SLAIN2: variants seen among roughly 807,000 people sequenced by gnomAD.
SLAIN2 encodes SLAIN family member 2.
SLAIN2 carries 31 observed loss-of-function variants against 56.6 expected under a neutral mutation model. That is an observed-to-expected ratio of 0.55 (90% confidence interval 0.41 to 0.74). The LOEUF (loss-of-function observed/expected upper bound fraction) is 0.74, where lower values mean the gene tolerates loss of function less well. Among genes scored for constraint, SLAIN2 ranks in the 30% least tolerant of loss-of-function variants. SLAIN2 has a pLI of 0.00. For missense variants in SLAIN2, 777 were observed against 754.2 expected (o/e 1.03, Z -0.35); for synonymous variants, 317 against 284.9 (o/e 1.11, Z -1.13).
At chr4:48,399,231 G>A (rs1716486170) in intron 6 of SLAIN2, among the ~76,000 whole-genome samples, 2 of 152,100 alleles carry the variant, frequency 1.3e-5, no homozygotes, top group South Asian at 4.1e-4. Context: ...TCCCTTGTTA[G>A]CTGTATTCCT....
At chr4:48,366,371 C>T (rs1715520584) in intron 1 of SLAIN2, among the ~76,000 whole-genome samples, 1 of 152,222 alleles carries the variant, frequency 6.6e-6, no homozygotes, top group East Asian at 1.9e-4. Flanking sequence ...TTCTGATTGT[C>T]CATGTAGTTC....
intron 6 of SLAIN2, among the ~76,000 whole-genome samples, chr4:48,402,833 G>C (rs1313464252): frequency 6.6e-6 from 1 of 152,158 alleles, no homozygotes; most frequent in East Asian, 1.9e-4. Flanking sequence ...TTTTTGCATT[G>C]ATTCTTTTTC....
chr4:48,398,306 T>A (rs1172938368), intron 6 of SLAIN2, among the ~76,000 whole-genome samples: 1 of 152,204 alleles, frequency 6.6e-6, no homozygotes, highest in Admixed American at 6.5e-5. Flanking sequence ...TTGAGAAGTG[T>A]CTGTTTATGT....
At chr4:48,398,906 T>C (rs1186094039) in intron 6 of SLAIN2, among the ~76,000 whole-genome samples, 3 of 152,206 alleles carry the variant, frequency 2.0e-5, no homozygotes, top group Non-Finnish European at 4.4e-5. Flanking sequence ...AGCCTTGTAG[T>C]ATAGTTTGAA....
Position 48,342,094 on chromosome 4 carries a change from C to A in SLAIN2, c.355C>A (p.Arg119Ser). 7.3e-7 allele frequency: 1 copy of A among 1,363,608 alleles called. No individual in the cohort carries two copies. Among genetic ancestry groups the A allele is most frequent in the Non-Finnish European group, 9.4e-7 (1 of 1,065,246 alleles). The allele number at this position is 1,363,608 out of a possible 1,614,324, so 84.5% of individuals were successfully genotyped here. A position where few individuals can be genotyped will look rare whatever the true frequency, so the allele number is the denominator to read the frequency against. ...VEPLRPDELE[R>S]LSGWEEEEES... is the part of the protein sequence containing the mutation. ...GCCGCTGCGGCCCGACGAGCTGGAG[C>A]GCCTGTCAGGCTGGGAGGAGGAGGA... The change falls in exon 1 of 8, where the codon CGC (arginine) becomes AGC (serine). Residue 119 changes from arginine to serine, a missense_variant. Physicochemically the swap from Arg to Ser is moderately radical, Grantham distance 110. Coordinates refer to ENST00000264313, the MANE Select transcript of SLAIN2 (RefSeq NM_020846.2).
At chr4:48,398,539 CT>C (rs1450101645) in intron 6 of SLAIN2, among the ~76,000 whole-genome samples, 1 of 152,156 alleles carries the variant, frequency 6.6e-6, no homozygotes, top group Non-Finnish European at 1.5e-5. Flanking sequence ...GTTGCAATTG[CT>C]TTTGGCATTT....
intron 6 of SLAIN2, among the ~76,000 whole-genome samples, chr4:48,390,218 C>T (rs1188060474): frequency 6.6e-6 from 1 of 151,718 alleles, no homozygotes; most frequent in East Asian, 1.9e-4. Flanking sequence ...GGTGGGATTA[C>T]AGGCACGCAC....
At chr4:48,344,512 A>G (rs1466267875) in intron 1 of SLAIN2, among the ~76,000 whole-genome samples, 1 of 152,192 alleles carries the variant, frequency 6.6e-6, no homozygotes, top group African/African-American at 2.4e-5. Context: ...AAATGTGGGA[A>G]AAACTGGGTT....
At position 48,369,604 on chromosome 4, in the gene SLAIN2, A is replaced by T. The variant is rs536022098; in HGVS notation, c.390-245A>T. On this transcript the variant is annotated intron_variant, in intron 1 of 7. Transcript: ENST00000264313. The stretch of plus-strand genomic sequence containing the variant: ...GTTGGAAATACAGGTATTTTCTCAT[A>T]GTCTTAGTAAAACACCTACTTTAGG... 1.1e-4 allele frequency among the ~76,000 whole-genome samples: 16 copies of T among 152,310 alleles called. No homozygotes were observed. In the East Asian group the frequency reaches 2.1e-3, roughly 20 times the overall value.
intron 6 of SLAIN2, among the ~76,000 whole-genome samples, chr4:48,398,538 G>A (rs1296319545): frequency 2.6e-5 from 4 of 152,140 alleles, no homozygotes; most frequent in Admixed American, 1.3e-4. Flanking sequence ...TGTTGCAATT[G>A]CTTTTGGCAT....
chr4:48,420,370 T>A lies in SLAIN2; in HGVS notation c.1606T>A (p.Leu536Met). 6.2e-7 allele frequency: 1 copy of A among 1,614,024 alleles called. No homozygotes were observed. The highest frequency in any genetic ancestry group is 8.5e-7 in the Non-Finnish European group (1 of 1,179,876). Residue 536 changes from leucine to methionine, a missense_variant, in exon 7 of 8, where the codon TTG (leucine) becomes ATG (methionine). Transcript: ENST00000264313. ...PAGTTAMRSG[L>M]PRPSAPSAGG... ...AGGGACAACTGCAATGAGAAGTGGC[T>A]TGCCCAGACCCAGTGCCCCTTCTGC... is the stretch of plus-strand genomic sequence containing the variant.
intron 2 of SLAIN2, among the ~76,000 whole-genome samples, chr4:48,372,027 C>T (rs1237339360): frequency 7.0e-6 from 1 of 143,860 alleles, no homozygotes; most frequent in African/African-American, 2.7e-5. Flanking sequence ...CATATATACA[C>T]ATATATATAC....
At chr4:48,388,492 A>G (rs1716156222) in intron 6 of SLAIN2, among the ~76,000 whole-genome samples, 2 of 152,222 alleles carry the variant, frequency 1.3e-5, no homozygotes, top group Admixed American at 1.3e-4. Context: ...AATGATACCC[A>G]AATTTTATTT....
At chr4:48,350,188 C>T (rs1165247651) in intron 1 of SLAIN2, among the ~76,000 whole-genome samples, 2 of 152,184 alleles carry the variant, frequency 1.3e-5, no homozygotes, top group African/African-American at 2.4e-5. Context: ...GTATAGCTCA[C>T]ATCCTGTGAG....
At position 48,382,945 on chromosome 4, in the gene SLAIN2, AC is replaced by A; in HGVS notation, c.1222+19del. On this transcript the variant is annotated intron_variant, in intron 5 of 7. Transcript: ENST00000264313. ...AAATGAAGGTAAAATAGCAGATTTT[AC>A]TAATAATTAGACAGTTTCTGCTAGC... 2 of 1,567,956 alleles carry A rather than the reference AC, an allele frequency of 1.3e-6. No homozygotes were observed. The highest frequency in any genetic ancestry group is 1.7e-6 in the Non-Finnish European group (2 of 1,154,506).
intron 6 of SLAIN2, among the ~76,000 whole-genome samples, chr4:48,398,955 T>C (rs1716479531): frequency 6.6e-6 from 1 of 152,226 alleles, no homozygotes; most frequent in Non-Finnish European, 1.5e-5. Flanking sequence ...TTCTTTTTGC[T>C]TAGGATTGTC....
At chr4:48,381,939 T>C (rs1294475323) in intron 4 of SLAIN2, among the ~76,000 whole-genome samples, 15 of 152,172 alleles carry the variant, frequency 9.9e-5, no homozygotes, top group South Asian at 4.1e-4. Context: ...TTCGAAGGTA[T>C]CAAGCTATAT....
At chr4:48,404,142 G>A (rs1716631470) in intron 6 of SLAIN2, among the ~76,000 whole-genome samples, 1 of 152,130 alleles carries the variant, frequency 6.6e-6, no homozygotes, top group Non-Finnish European at 1.5e-5. Context: ...AGTTCAAGGT[G>A]CAGAATGAAC....
chr4:48,367,480 T>C (rs1469558981), intron 1 of SLAIN2, among the ~76,000 whole-genome samples: 1 of 152,130 alleles, frequency 6.6e-6, no homozygotes, highest in East Asian at 1.9e-4. Context: ...GAGAAAAAAA[T>C]AGTTTATAAA....
Sources: allele counts gnomAD v4.1 joint callset (sites outside exome capture counted in the v4.1 genomes callset), GRCh38; gene constraint gnomAD v4.1.1; transcripts MANE v1.5; gene names NCBI Gene and HGNC (gene_info 2026-07-23, HGNC 2026-07-21).